The following KCNQ5 variants were observed in gnomAD, a reference collection of about 807,000 sequenced individuals.
KCNQ5 encodes potassium voltage-gated channel subfamily KQT member 5.
KCNQ5 carries 30 observed loss-of-function variants against 98.2 expected under a neutral mutation model. The ratio of observed to expected loss-of-function variants is 0.31; its 90% CI spans 0.23 to 0.41. The LOEUF (loss-of-function observed/expected upper bound fraction) is 0.41, where lower values mean the gene tolerates loss of function less well. Ranked by LOEUF, KCNQ5 falls within the 10% of genes least tolerant of loss-of-function variation. The pLI, the probability that KCNQ5 is intolerant of heterozygous loss-of-function variation, is 1.00. For missense variants in KCNQ5, 835 were observed against 1,182.5 expected (o/e 0.71, Z 4.31); for synonymous variants, 458 against 449.4 (o/e 1.02, Z -0.24).
At chr6:73,179,919 A>G (rs1307946314) in intron 11 of KCNQ5, among the ~76,000 whole-genome samples, 4 of 152,230 alleles carry the variant, frequency 2.6e-5, no homozygotes, top group Non-Finnish European at 5.9e-5. Flanking sequence ...CCCAAGCAAT[A>G]GGATTTGTTT....
chr6:73,124,974 TATATATACACACA>T (rs1775908210), intron 9 of KCNQ5, among the ~76,000 whole-genome samples: 1 of 17,628 alleles, frequency 5.7e-5, no homozygotes, highest in Non-Finnish European at 9.2e-5. Context: ...TATATATATA[TATATATACACACA>T]CACACATATA....
chr6:72,638,637 A>AT (rs368365999), intron 1 of KCNQ5, among the ~76,000 whole-genome samples: 19,808 of 150,214 alleles, frequency 0.13, 1,462 homozygotes, highest in Non-Finnish European at 0.18. Context: ...GCAAATACCT[A>AT]TTTTTTTTTT....
chr6:72,971,052 G>T (rs1711511285), intron 1 of KCNQ5, among the ~76,000 whole-genome samples: 1 of 152,162 alleles, frequency 6.6e-6, no homozygotes, highest in African/African-American at 2.4e-5. Flanking sequence ...TACCATCAGA[G>T]TGAACAGGCA....
chr6:72,633,181 GTGA>G (rs1008252570), intron 1 of KCNQ5, among the ~76,000 whole-genome samples: 3 of 152,174 alleles, frequency 2.0e-5, no homozygotes, highest in Admixed American at 2.0e-4. Context: ...CTGAGGATTA[GTGA>G]TGATGAGCAT....
intron 1 of KCNQ5, among the ~76,000 whole-genome samples, chr6:72,894,593 G>A (rs1375544671): frequency 6.6e-6 from 1 of 152,118 alleles, no homozygotes; most frequent in Non-Finnish European, 1.5e-5. Flanking sequence ...TTTTGTCTTG[G>A]TTGACAATTC....
At chr6:72,980,023 C>G (rs1204577691) in intron 1 of KCNQ5, among the ~76,000 whole-genome samples, 4 of 152,248 alleles carry the variant, frequency 2.6e-5, no homozygotes, top group Admixed American at 2.6e-4. Context: ...CTGTTCTGTT[C>G]CATTGGTCTC....
At chr6:72,810,004 A>G (rs923979713) in intron 1 of KCNQ5, among the ~76,000 whole-genome samples, 4 of 152,158 alleles carry the variant, frequency 2.6e-5, no homozygotes, top group African/African-American at 9.7e-5. Flanking sequence ...CTGAATGATT[A>G]AGAAATAGCC....
intron 1 of KCNQ5, among the ~76,000 whole-genome samples, chr6:72,665,360 AT>A (rs1194784109): frequency 2.7e-5 from 4 of 150,596 alleles, no homozygotes; most frequent in Non-Finnish European, 4.4e-5. Flanking sequence ...AAAAAAAAAA[AT>A]CTCAGTTTTA....
At chr6:72,925,875 T>A (rs1485464531) in intron 1 of KCNQ5, among the ~76,000 whole-genome samples, 2 of 152,166 alleles carry the variant, frequency 1.3e-5, no homozygotes, top group African/African-American at 4.8e-5. Context: ...TTGTAGAGAA[T>A]TTTGTAAGCC....
intron 1 of KCNQ5, among the ~76,000 whole-genome samples, chr6:72,947,120 C>T (rs1766584476): frequency 1.3e-5 from 2 of 152,104 alleles, no homozygotes; most frequent in East Asian, 1.9e-4. Flanking sequence ...ACAGGGCCTT[C>T]TATGTAGGCT....
intron 1 of KCNQ5, among the ~76,000 whole-genome samples, chr6:72,689,445 C>G (rs1290954791): frequency 1.3e-5 from 2 of 152,310 alleles, no homozygotes; most frequent in East Asian, 3.9e-4. Flanking sequence ...AGCATCAACC[C>G]AGAAAAATTA....
intron 10 of KCNQ5, among the ~76,000 whole-genome samples, chr6:73,136,974 C>T (rs1211363483): frequency 6.6e-6 from 1 of 151,896 alleles, no homozygotes; most frequent in East Asian, 1.9e-4. Context: ...TTCCATTGCC[C>T]ATTAACATGC....
At chr6:72,977,894 C>A (rs192037330) in intron 1 of KCNQ5, among the ~76,000 whole-genome samples, 13 of 152,286 alleles carry the variant, frequency 8.5e-5, no homozygotes, top group Admixed American at 8.5e-4. Flanking sequence ...ACCTTCAGCA[C>A]CTAGAACACT....
At chr6:72,898,634 T>G (rs1178246983) in intron 1 of KCNQ5, among the ~76,000 whole-genome samples, 3 of 152,204 alleles carry the variant, frequency 2.0e-5, no homozygotes, top group Non-Finnish European at 2.9e-5. Flanking sequence ...GCAATAAACG[T>G]AAGTGTGCAT....
intron 1 of KCNQ5, among the ~76,000 whole-genome samples, chr6:72,958,163 C>T (rs939978228): frequency 6.6e-6 from 1 of 152,030 alleles, no homozygotes; most frequent in African/African-American, 2.4e-5. Context: ...CCTTATGAAG[C>T]TCAAACTGCC....
At chr6:72,987,930 A>T (rs1768876846) in intron 1 of KCNQ5, among the ~76,000 whole-genome samples, 1 of 152,194 alleles carries the variant, frequency 6.6e-6, no homozygotes, top group Non-Finnish European at 1.5e-5. Context: ...TAAGTGGGTT[A>T]TTCAGTTGTG....
intron 1 of KCNQ5, among the ~76,000 whole-genome samples, chr6:72,705,597 T>TCG (rs541908980): frequency 1.8e-5 from 1 of 56,848 alleles, no homozygotes; most frequent in East Asian, 5.4e-4. Flanking sequence ...TTTGTTTTTT[T>TCG]TTTTGTTGTT....
At chr6:72,653,998 G>C (rs988296508) in intron 1 of KCNQ5, among the ~76,000 whole-genome samples, 2 of 152,050 alleles carry the variant, frequency 1.3e-5, no homozygotes, top group African/African-American at 2.4e-5. Context: ...ACTTAACCTA[G>C]TGTCTACCAT....
At chr6:73,057,344 G>C (rs1010743548) in intron 3 of KCNQ5, among the ~76,000 whole-genome samples, 3 of 151,454 alleles carry the variant, frequency 2.0e-5, no homozygotes, top group African/African-American at 7.3e-5. Context: ...GGGGGGAAGG[G>C]GGGGAGGGAT....
Sources: gnomAD v4.1 joint callset for allele counts (sites outside exome capture counted in the v4.1 genomes callset) on GRCh38, gnomAD v4.1.1 for gene constraint, MANE v1.5 for transcripts, NCBI Gene and HGNC (gene_info 2026-07-23, HGNC 2026-07-21) for gene names.